AZIN2: variants seen among roughly 807,000 people sequenced by gnomAD.
AZIN2 encodes ODC antizyme inhibitor-2.
Under a neutral mutation model 47.8 loss-of-function variants are expected in AZIN2, and 28 were observed. The ratio of observed to expected loss-of-function variants is 0.59; its 90% CI spans 0.43 to 0.80. AZIN2 has a LOEUF of 0.80. AZIN2 is among the 30% of genes least tolerant of loss of function. AZIN2 has a pLI of 0.00. For synonymous variants in AZIN2, 221 were observed against 239.4 expected, an observed-to-expected ratio of 0.92 and a Z score of 0.71; for missense variants, 535 against 582.5, an observed-to-expected ratio of 0.92 and a Z score of 0.84.
intron 8 of AZIN2, among the ~76,000 whole-genome samples, chr1:33,095,494 T>A (rs1022113368): frequency 8.5e-5 from 13 of 152,200 alleles, no homozygotes; most frequent in Admixed American, 8.5e-4. Context: ...AAATAGCGTT[T>A]GTATAAAAAA....
intron 10 of AZIN2, among the ~76,000 whole-genome samples, chr1:33,109,304 T>A (rs1347806042): frequency 1.3e-5 from 2 of 152,020 alleles, no homozygotes; most frequent in Non-Finnish European, 2.9e-5. Flanking sequence ...CTGTGGCTTG[T>A]CTTCTCTTAA....
At chr1:33,151,633 G>A in the AZIN2 span, among the ~76,000 whole-genome samples, 4 of 152,144 alleles carry the variant, frequency 2.6e-5, no homozygotes, top group African/African-American at 9.7e-5. Flanking sequence ...CTATTCTACA[G>A]GTCAGAGCTC....
intron 5 of AZIN2, among the ~76,000 whole-genome samples, 161 bp from the exon 6 acceptor site, chr1:33,091,889 A>G (rs1193056513): frequency 6.6e-6 from 1 of 152,216 alleles, no homozygotes; most frequent in African/African-American, 2.4e-5. Flanking sequence ...TGGTGAATCC[A>G]TGTAAGTCCT....
At chr1:33,099,423 A>G (rs150855657) in intron 10 of AZIN2, among the ~76,000 whole-genome samples, 1 of 152,292 alleles carries the variant, frequency 6.6e-6, no homozygotes, top group East Asian at 1.9e-4. Context: ...CTGACGCACT[A>G]GCATTGCCTG....
At chr1:33,154,527 C>T in the AZIN2 span, among the ~76,000 whole-genome samples, 18 of 149,964 alleles carry the variant, frequency 1.2e-4, no homozygotes, top group African/African-American at 2.7e-4. Context: ...AGGCTGGGCG[C>T]GGTGGCTCAC....
Position 33,122,192 on chromosome 1 carries a change from G to C in AZIN2, c.*2010G>C, listed in dbSNP as rs1443610596. Among the ~76,000 whole-genome samples, 1 of 152,190 alleles carries C rather than the reference G, an allele frequency of 6.6e-6. No homozygotes were observed. Among genetic ancestry groups the C allele is most frequent in the Non-Finnish European group, 1.5e-5 (1 of 68,038 alleles). ...GGTTTTCTGCTGGAACCAGGCATCTGCTGTGAAAAGCGCAGGAATCCTGGG... is the reference window on the plus strand; with the variant it reads ...GGTTTTCTGCTGGAACCAGGCATCTCCTGTGAAAAGCGCAGGAATCCTGGG... On this transcript the variant is annotated 3_prime_UTR_variant, in exon 12 of 12. Coordinates refer to ENST00000294517, the MANE Select transcript of AZIN2 (RefSeq NM_052998.4).
At chr1:33,092,969 G>A (rs1402639837) in intron 6 of AZIN2, among the ~76,000 whole-genome samples, 1 of 152,212 alleles carries the variant, frequency 6.6e-6, no homozygotes, top group East Asian at 1.9e-4. Flanking sequence ...TTTAAAAATG[G>A]TTCCTCTCAT....
chr1:33,103,367 G>A lies in AZIN2; in HGVS notation c.1029+5188G>A, dbSNP rs565931132. On this transcript the variant is annotated intron_variant, in intron 10 of 11. Transcript: ENST00000294517. The stretch of plus-strand genomic sequence containing the variant: ...TCCCATTCCTCTCCTTTCTGTTTTT[G>A]TAACACCTAAGTTGTTTCTGCTCTC... Among the ~76,000 whole-genome samples, 4 of 152,040 alleles carry A rather than the reference G, an allele frequency of 2.6e-5. No individual in the cohort carries two copies. In the East Asian group the frequency reaches 5.8e-4, roughly 22 times the overall value.
chr1:33,099,919 C>T (rs1643532717), intron 10 of AZIN2, among the ~76,000 whole-genome samples: 1 of 152,158 alleles, frequency 6.6e-6, no homozygotes, highest in Non-Finnish European at 1.5e-5. Context: ...CTGGGGGTAT[C>T]CGTACCTTCT....
chr1:33,098,514 G>A (rs1643392357), intron 10 of AZIN2, among the ~76,000 whole-genome samples: 1 of 152,120 alleles, frequency 6.6e-6, no homozygotes, highest in Non-Finnish European at 1.5e-5. Flanking sequence ...TTGGCTATTT[G>A]GTTTCCTCTT....
chr1:33,140,702 T>C, the AZIN2 span, among the ~76,000 whole-genome samples: 237 of 152,334 alleles, frequency 1.6e-3, no homozygotes, highest in African/African-American at 5.4e-3. The surrounding 1 kb of genome is among the most constrained non-coding windows in gnomAD (Gnocchi z 4.0). Flanking sequence ...GTCCTTGCTG[T>C]GGCTGGTGCT....
the AZIN2 span, among the ~76,000 whole-genome samples, chr1:33,130,733 C>T: frequency 6.6e-6 from 1 of 152,156 alleles, no homozygotes. Flanking sequence ...ATTTGTTAGG[C>T]AGCAATAGAT....
the AZIN2 span, among the ~76,000 whole-genome samples, chr1:33,160,480 T>C: frequency 6.6e-6 from 1 of 152,050 alleles, no homozygotes; most frequent in Non-Finnish European, 1.5e-5. Context: ...TCTCGGATCA[T>C]TGCAACCTCC....
chr1:33,138,792 AC>A, the AZIN2 span, among the ~76,000 whole-genome samples: 2 of 152,158 alleles, frequency 1.3e-5, no homozygotes, highest in African/African-American at 4.8e-5. Context: ...AAATAAAACG[AC>A]CCAGGAAAGC....
At chr1:33,117,235 C>T (rs1644586548) in intron 10 of AZIN2, among the ~76,000 whole-genome samples, 1 of 152,144 alleles carries the variant, frequency 6.6e-6, no homozygotes, top group South Asian at 2.1e-4. Context: ...TGTTGGAAGT[C>T]CATCTTTCTC....
the AZIN2 span, chr1:33,147,588 C>T: frequency 2.0e-5 from 33 of 1,614,122 alleles, no homozygotes; most frequent in Middle Eastern, 1.6e-4. This position sits in a 1 kb window ranked among gnomAD's most constrained non-coding sequence, Gnocchi z 8.1. Flanking sequence ...AACCCAGCAC[C>T]GACACCTCCA....
intron 10 of AZIN2, among the ~76,000 whole-genome samples, chr1:33,105,922 G>A (rs1371070016): frequency 6.6e-6 from 1 of 152,206 alleles, no homozygotes; most frequent in Non-Finnish European, 1.5e-5. Context: ...TTATTGCCAA[G>A]ATGGGGCTTT....
chr1:33,157,987 C>T, the AZIN2 span, among the ~76,000 whole-genome samples: 6 of 152,158 alleles, frequency 3.9e-5, no homozygotes, highest in Admixed American at 2.0e-4. Flanking sequence ...GAACTCCTGA[C>T]CTCATGATCC....
chr1:33,139,755 G>A, the AZIN2 span, among the ~76,000 whole-genome samples: 1 of 152,208 alleles, frequency 6.6e-6, no homozygotes, highest in Non-Finnish European at 1.5e-5. Flanking sequence ...GGCTGCTGGT[G>A]GGGAGGGCTG....
Sources: allele counts gnomAD v4.1 joint callset (sites outside exome capture counted in the v4.1 genomes callset), GRCh38; gene constraint gnomAD v4.1.1; non-coding constraint Gnocchi (gnomAD v3.1); transcripts MANE v1.5; gene names NCBI Gene and HGNC (gene_info 2026-07-23, HGNC 2026-07-21).